TRPM6: variants seen among roughly 807,000 people sequenced by gnomAD.
The protein encoded by TRPM6 is transient receptor potential cation channel subfamily M member 6, also known as channel kinase 2.
In TRPM6, 111 loss-of-function variants were observed where a neutral mutation model predicts 247.6. That is an observed-to-expected ratio of 0.45 (90% CI 0.38 to 0.52). TRPM6 has a LOEUF of 0.52. Among genes scored for constraint, TRPM6 ranks in the 20% least tolerant of loss-of-function variants. The pLI is 0.00. For synonymous variants in TRPM6, 892 were observed against 853.8 expected (o/e 1.04, Z -0.78); for missense variants, 2,126 against 2,421.5 (o/e 0.88, Z 2.56).
chr9:74,767,636 T>G (rs1387924040), intron 25 of TRPM6, among the ~76,000 whole-genome samples: 7 of 152,054 alleles, frequency 4.6e-5, no homozygotes, highest in African/African-American at 1.7e-4. Flanking sequence ...CTGAGATAGC[T>G]CCATCAAGAG....
At chr9:74,869,280 C>T (rs1830951318) in intron 1 of TRPM6, among the ~76,000 whole-genome samples, 1 of 151,916 alleles carries the variant, frequency 6.6e-6, no homozygotes, top group Non-Finnish European at 1.5e-5. Flanking sequence ...ACCATCCTGA[C>T]TAACATGGTG....
At chr9:74,811,157 A>G (rs1403780832) in intron 12 of TRPM6, among the ~76,000 whole-genome samples, 1 of 152,224 alleles carries the variant, frequency 6.6e-6, no homozygotes, top group Non-Finnish European at 1.5e-5. Context: ...TTATCATACA[A>G]TTACAAATCC....
intron 5 of TRPM6, among the ~76,000 whole-genome samples, chr9:74,839,234 C>T: frequency 6.6e-6 from 1 of 152,122 alleles, no homozygotes; most frequent in Admixed American, 6.5e-5. Flanking sequence ...TGACTAAAAG[C>T]CTCTAATTCA....
At chr9:74,796,507 T>C (rs928392649) in intron 18 of TRPM6, among the ~76,000 whole-genome samples, 10 of 152,204 alleles carry the variant, frequency 6.6e-5, no homozygotes, top group Non-Finnish European at 1.3e-4. Context: ...AGTTCTATTG[T>C]ACATAATATA....
At chr9:74,744,626 G>A (rs1825973567) in intron 31 of TRPM6, among the ~76,000 whole-genome samples, 1 of 152,210 alleles carries the variant, frequency 6.6e-6, no homozygotes, top group Non-Finnish European at 1.5e-5. Flanking sequence ...ACAAAGAAGA[G>A]GGTGGATAAT....
intron 25 of TRPM6, among the ~76,000 whole-genome samples, chr9:74,771,342 T>C (rs887320162): frequency 6.6e-6 from 1 of 152,250 alleles, no homozygotes; most frequent in African/African-American, 2.4e-5. Context: ...TGATAATAAA[T>C]TACAAATCTA....
chr9:74,872,522 C>T (rs80144684), intron 1 of TRPM6, among the ~76,000 whole-genome samples: 8,746 of 152,208 alleles, frequency 0.057, 286 homozygotes, highest in South Asian at 0.079. Flanking sequence ...CTCCGCCTCG[C>T]AATGCTCAAG....
Position 74,738,493 on chromosome 9 carries a change from G to T in TRPM6, c.5690C>A (p.Thr1897Asn). Residue 1897 changes from threonine to asparagine, a missense_variant, in exon 36 of 39, where the codon ACC (threonine) becomes AAC (asparagine). Around this residue, in one of 3 missense-constraint regions of TRPM6, gnomAD observed 327 missense variants for 397.7 expected, o/e 0.82. Coordinates refer to ENST00000360774, the MANE Select transcript of TRPM6 (RefSeq NM_017662.5). ...CAACATCAGCTCCTCCAGGGTGTTG[G>T]TGGGGGTGATTTCATCACCATTGTT... ...NNNNGDEITP[T>N]NTLEELMLAF... is the part of the protein sequence containing the mutation. 1.2e-6 allele frequency: 2 copies of T among 1,614,128 alleles called. No individual in the cohort carries two copies. Among genetic ancestry groups the T allele is most frequent in the Non-Finnish European group, 1.7e-6 (2 of 1,180,008 alleles).
chr9:74,818,894 T>C (rs2117970828), intron 9 of TRPM6, among the ~76,000 whole-genome samples: 1 of 152,254 alleles, frequency 6.6e-6, no homozygotes, highest in Non-Finnish European at 1.5e-5. Context: ...ACTCAAATAT[T>C]ACCAAAATTC....
intron 30 of TRPM6, 107 bp downstream of exon 30, chr9:74,750,557 C>G: frequency 4.1e-6 from 4 of 979,622 alleles, no homozygotes; most frequent in Admixed American, 1.8e-5. Context: ...TCATTTGACA[C>G]ACACTTCTTT....
intron 18 of TRPM6, among the ~76,000 whole-genome samples, chr9:74,793,465 C>T (rs1477484683): frequency 6.6e-6 from 1 of 152,124 alleles, no homozygotes; most frequent in African/African-American, 2.4e-5. Context: ...GATTCTCATA[C>T]CTCAGCCTCC....
At chr9:74,832,545 A>C (rs1441077094) in intron 6 of TRPM6, among the ~76,000 whole-genome samples, 1 of 152,220 alleles carries the variant, frequency 6.6e-6, no homozygotes, top group East Asian at 1.9e-4. Context: ...CATATATTTT[A>C]GAAAGAACTA....
intron 23 of TRPM6, among the ~76,000 whole-genome samples, 182 bp downstream of exon 23, chr9:74,782,180 C>G (rs968514612): frequency 1.3e-5 from 2 of 152,146 alleles, no homozygotes; most frequent in African/African-American, 4.8e-5. Context: ...TTTATTATTT[C>G]ACTGTTTCCC....
Position 74,763,140 on chromosome 9 carries a change from G to C in TRPM6, c.3537-6C>G, listed in dbSNP as rs1428676108. ...GGAAGTACATCTCTGTAACCCTAGT[G>C]GTGAAGGAAGGGAGAAAACCAACAA... On this transcript the variant is annotated splice_polypyrimidine_tract_variant and splice_region_variant and intron_variant, in intron 25 of 38. Coordinates refer to ENST00000360774, the MANE Select transcript of TRPM6 (RefSeq NM_017662.5). The C allele has an allele frequency of 6.2e-7, 1 of 1,606,764 alleles. No individual in the cohort carries two copies. Among genetic ancestry groups the C allele is most frequent in the East Asian group, 2.2e-5 (1 of 44,864 alleles).
intron 7 of TRPM6, among the ~76,000 whole-genome samples, chr9:74,824,664 A>G (rs1007708345): frequency 3.9e-5 from 6 of 152,182 alleles, no homozygotes; most frequent in Admixed American, 2.0e-4. Context: ...CAGGAATACA[A>G]TATTAGACCT....
At chr9:74,884,585 A>C (rs1831473735) in intron 1 of TRPM6, among the ~76,000 whole-genome samples, 1 of 152,130 alleles carries the variant, frequency 6.6e-6, no homozygotes, top group African/African-American at 2.4e-5. Flanking sequence ...CCAAATCAAC[A>C]GTTTGATTAC....
At chr9:74,841,930 G>A (rs1021807103) in intron 4 of TRPM6, among the ~76,000 whole-genome samples, 1 of 152,140 alleles carries the variant, frequency 6.6e-6, no homozygotes, top group Non-Finnish European at 1.5e-5. Flanking sequence ...AAACCTGTTA[G>A]TAGAAACCCC....
chr9:74,883,802 C>A (rs1831439579), intron 1 of TRPM6, among the ~76,000 whole-genome samples: 1 of 152,086 alleles, frequency 6.6e-6, no homozygotes, highest in Non-Finnish European at 1.5e-5. Context: ...CTCAGGAGTT[C>A]AAGACTAGCG....
chr9:74,732,296 A>G (rs1825545779), intron 37 of TRPM6, among the ~76,000 whole-genome samples: 1 of 152,228 alleles, frequency 6.6e-6, no homozygotes, highest in Admixed American at 6.5e-5. Context: ...ATGATGGAAG[A>G]TGCTGCCCAT....
Sources: gnomAD v4.1 joint callset for allele counts (sites outside exome capture counted in the v4.1 genomes callset) on GRCh38, gnomAD v4.1.1 for gene constraint, gnomAD v4.1.1 regional missense constraint, MANE v1.5 for transcripts, NCBI Gene and HGNC (gene_info 2026-07-23, HGNC 2026-07-21) for gene names.